Variants in KCNIP4 observed in about 807,000 individuals in gnomAD.
KCNIP4 encodes potassium voltage-gated channel interacting protein 4.
In KCNIP4, 12 loss-of-function variants were observed where a neutral mutation model predicts 34.0. The ratio of observed to expected loss-of-function variants is 0.35; its 90% CI spans 0.23 to 0.57. The LOEUF (loss-of-function observed/expected upper bound fraction) is 0.57. Among genes scored for constraint, KCNIP4 ranks in the 20% least tolerant of loss-of-function variants. KCNIP4 has a pLI of 0.83. For missense variants in KCNIP4, 238 were observed against 311.7 expected (o/e 0.76, Z 1.78); for synonymous variants, 124 against 102.2 (o/e 1.21, Z -1.29).
At chr4:21,760,233 C>G (rs190311097) in intron 1 of KCNIP4, among the ~76,000 whole-genome samples, 2 of 152,204 alleles carry the variant, frequency 1.3e-5, no homozygotes, top group East Asian at 1.9e-4. Context: ...TAACTAAGCT[C>G]AGGTACTAGA....
intron 1 of KCNIP4, among the ~76,000 whole-genome samples, chr4:20,909,226 T>A (rs1560562212): frequency 6.6e-6 from 1 of 152,200 alleles, no homozygotes; most frequent in Non-Finnish European, 1.5e-5. Flanking sequence ...GAGTTTTTAA[T>A]TTTTTTGTTA....
intron 3 of KCNIP4, among the ~76,000 whole-genome samples, chr4:20,844,207 A>C (rs956122067): frequency 3.3e-5 from 5 of 152,208 alleles, no homozygotes; most frequent in Non-Finnish European, 4.4e-5. Context: ...ATGTCAGTCT[A>C]TGGAAGTCAA....
At chr4:21,173,419 A>G (rs776115179) in intron 1 of KCNIP4, among the ~76,000 whole-genome samples, 5 of 152,134 alleles carry the variant, frequency 3.3e-5, no homozygotes, top group Admixed American at 2.6e-4. Flanking sequence ...ACACAAAGAA[A>G]TAACAAAGCG....
intron 1 of KCNIP4, among the ~76,000 whole-genome samples, chr4:21,634,613 T>C (rs1026304636): frequency 1.3e-5 from 2 of 152,136 alleles, no homozygotes; most frequent in Admixed American, 1.3e-4. Context: ...ACATCACTCA[T>C]TCATATTTAA....
Position 21,236,631 on chromosome 4 carries a change from A to C in KCNIP4, c.62-353922T>G, listed in dbSNP as rs149147485. 3.5e-3 allele frequency among the ~76,000 whole-genome samples: 531 copies of C among 152,276 alleles called. 4 individuals carry two copies. Among genetic ancestry groups the C allele is most frequent in the South Asian group, 0.021 (102 of 4,826 alleles). ...GATCCAATAAGCTATATCTGGTACTAAAAATCAGAAATTGACACAATTTTA... is the reference window on the plus strand; with the variant it reads ...GATCCAATAAGCTATATCTGGTACTCAAAATCAGAAATTGACACAATTTTA... On this transcript the variant is annotated intron_variant, in intron 1 of 8. Coordinates refer to ENST00000382152, the MANE Select transcript of KCNIP4 (RefSeq NM_025221.6).
chr4:21,127,004 A>G (rs1750675525), intron 1 of KCNIP4, among the ~76,000 whole-genome samples: 1 of 152,152 alleles, frequency 6.6e-6, no homozygotes, highest in African/African-American at 2.4e-5. Flanking sequence ...GAAGGTCCTG[A>G]AATGCTCTTT....
intron 1 of KCNIP4, among the ~76,000 whole-genome samples, chr4:21,651,249 A>G (rs73800267): frequency 0.018 from 2,671 of 152,322 alleles, 87 homozygotes; most frequent in African/African-American, 0.061. Context: ...TCTGTCTACC[A>G]CATAATTCTT....
intron 1 of KCNIP4, among the ~76,000 whole-genome samples, chr4:20,897,341 A>G (rs142038987): frequency 6.6e-6 from 1 of 151,786 alleles, no homozygotes; most frequent in Non-Finnish European, 1.5e-5. Flanking sequence ...AAAAATCTTC[A>G]AGATCTCTCC....
chr4:20,800,198 G>GC (rs1714045786), intron 3 of KCNIP4, among the ~76,000 whole-genome samples: 1 of 152,178 alleles, frequency 6.6e-6, no homozygotes, highest in Non-Finnish European at 1.5e-5. Context: ...AATTGAAGAA[G>GC]CTGCATACAG....
intron 1 of KCNIP4, among the ~76,000 whole-genome samples, chr4:20,901,347 T>C (rs758629908): frequency 4.6e-5 from 7 of 152,210 alleles, no homozygotes; most frequent in South Asian, 2.1e-4. Context: ...TTGGTACTTA[T>C]TGGTCTCATC....
intron 1 of KCNIP4, among the ~76,000 whole-genome samples, chr4:21,099,003 C>T (rs1263621507): frequency 1.3e-5 from 2 of 152,152 alleles, no homozygotes; most frequent in East Asian, 1.9e-4. Flanking sequence ...AAAAGGAACG[C>T]TTTTGCACTA....
Position 20,920,968 on chromosome 4 carries a change from C to G in KCNIP4, c.62-38259G>C, listed in dbSNP as rs1729340932. ...ACGCCACTGCACTCAAGCCTGGCCACAGAGTGAGACTTCATCTCAAAAACA... is the reference window on the plus strand; with the variant it reads ...ACGCCACTGCACTCAAGCCTGGCCAGAGAGTGAGACTTCATCTCAAAAACA... On this transcript the variant is annotated intron_variant, in intron 1 of 8. Coordinates refer to ENST00000382152, the MANE Select transcript of KCNIP4 (RefSeq NM_025221.6). 2.6e-5 allele frequency among the ~76,000 whole-genome samples: 4 copies of G among 151,888 alleles called. No individual in the cohort carries two copies. In the South Asian group the frequency reaches 8.3e-4, roughly 32 times the overall value.
intron 1 of KCNIP4, among the ~76,000 whole-genome samples, chr4:21,338,785 A>G (rs1239841695): frequency 6.6e-6 from 1 of 152,060 alleles, no homozygotes; most frequent in Non-Finnish European, 1.5e-5. Flanking sequence ...CCCAGATCAA[A>G]TACCACATCT....
intron 3 of KCNIP4, among the ~76,000 whole-genome samples, chr4:20,788,949 C>T (rs748420400): frequency 5.3e-5 from 8 of 152,164 alleles, no homozygotes; most frequent in African/African-American, 1.9e-4. Flanking sequence ...AAAAGGTGTG[C>T]GAGGCCTCCT....
At chr4:20,938,487 A>G (rs1163182239) in intron 1 of KCNIP4, among the ~76,000 whole-genome samples, 2 of 152,176 alleles carry the variant, frequency 1.3e-5, no homozygotes, top group Admixed American at 6.5e-5. Context: ...TGAAGCATCA[A>G]AATGATCGGG....
rs74590257 is a variant in KCNIP4 at position 21,138,171 on chromosome 4, G to A, written c.62-255462C>T. 9.9e-5 allele frequency among the ~76,000 whole-genome samples: 15 copies of A among 152,062 alleles called. No individual in the cohort carries two copies. The East Asian group carries it at 2.1e-3, about 22-fold the overall frequency. ...GAGTCATTGCCATCTACATGTCTTC[G>A]CTTTGCTGGTGTTGTTTCTGCCACC... On this transcript the variant is annotated intron_variant, in intron 1 of 8. Transcript: ENST00000382152.
At chr4:21,175,056 G>A (rs930286635) in intron 1 of KCNIP4, among the ~76,000 whole-genome samples, 1 of 151,760 alleles carries the variant, frequency 6.6e-6, no homozygotes, top group Admixed American at 6.6e-5. Context: ...TGGCCTTAAT[G>A]TCTCCCTCAG....
intron 1 of KCNIP4, among the ~76,000 whole-genome samples, chr4:21,941,248 C>T (rs1478126558): frequency 6.6e-6 from 1 of 152,046 alleles, no homozygotes; most frequent in African/African-American, 2.4e-5. Context: ...GATTTTCAGA[C>T]ATCTTATCAT....
intron 1 of KCNIP4, among the ~76,000 whole-genome samples, chr4:21,240,799 T>G (rs1257085467): frequency 6.6e-6 from 1 of 152,224 alleles, no homozygotes; most frequent in Non-Finnish European, 1.5e-5. Flanking sequence ...ATATGATGCC[T>G]TATAGGCAGC....
Sources: allele counts gnomAD v4.1 joint callset (sites outside exome capture counted in the v4.1 genomes callset), GRCh38; gene constraint gnomAD v4.1.1; transcripts MANE v1.5; gene names NCBI Gene and HGNC (gene_info 2026-07-23, HGNC 2026-07-21).